The following TANC2 variants were observed in gnomAD, a reference collection of about 807,000 sequenced individuals.
TANC2 encodes the protein protein TANC2.
Under a neutral mutation model 210.5 loss-of-function variants are expected in TANC2, and 26 were observed. The ratio of observed to expected loss-of-function variants is 0.12; its 90% CI spans 0.09 to 0.17. The LOEUF (loss-of-function observed/expected upper bound fraction) is 0.17, where lower values mean the gene tolerates loss of function less well. TANC2 is among the 10% of genes least tolerant of loss of function. The probability of loss-of-function intolerance (pLI) is 1.00; values close to 1 mark genes in which losing one functional copy is unlikely to be tolerated. For synonymous variants in TANC2, 931 were observed against 967.1 expected, an observed-to-expected ratio of 0.96 and a Z score of 0.69; for missense variants, 2,129 against 2,608.9, an observed-to-expected ratio of 0.82 and a Z score of 4.01.
At position 63,310,146 on chromosome 17, in the gene TANC2, A is replaced by G. The variant is rs188475365; in HGVS notation, c.1160-4242A>G. 4.3e-4 allele frequency among the ~76,000 whole-genome samples: 66 copies of G among 152,290 alleles called. 1 individual carries two copies. The East Asian group carries it at 8.1e-3, about 19-fold the overall frequency. On this transcript the variant is annotated intron_variant, in intron 9 of 27. Coordinates refer to ENST00000689528, the Ensembl canonical transcript of TANC2. Reference sequence around the variant, plus strand: ...CGACATAAACTGTTTCAACTTTCACAAATTAAAATAGAAGGAAGAGGCCAG... The same window carrying G: ...CGACATAAACTGTTTCAACTTTCACGAATTAAAATAGAAGGAAGAGGCCAG...
intron 8 of TANC2, among the ~76,000 whole-genome samples, chr17:63,260,302 A>G (rs2043318882): frequency 6.6e-6 from 1 of 152,240 alleles, no homozygotes; most frequent in Admixed American, 6.5e-5. Flanking sequence ...ATTAAAAGGC[A>G]GCTAGTAAGT....
intron 4 of TANC2, among the ~76,000 whole-genome samples, chr17:63,138,986 G>A (rs1567755979): frequency 6.6e-6 from 1 of 152,140 alleles, no homozygotes; most frequent in Non-Finnish European, 1.5e-5. Flanking sequence ...GCCATCCGTG[G>A]AATTGAAGGC....
At chr17:63,190,331 C>A (rs1457074578) in intron 5 of TANC2, among the ~76,000 whole-genome samples, 2 of 131,368 alleles carry the variant, frequency 1.5e-5, no homozygotes, top group Non-Finnish European at 3.2e-5. Context: ...CAGAGCGAGA[C>A]CCTGTCCTAG....
At position 63,098,486 on chromosome 17, in the gene TANC2, T is replaced by A. The variant is rs868467766; in HGVS notation, c.140-689T>A. On this transcript the variant is annotated intron_variant, in intron 3 of 27. Transcript: ENST00000689528. ...CACACACACACACACACACATACAC[T>A]CTCTCTCTCTCTCTCTCTCTCTCTG... Among the ~76,000 whole-genome samples the A allele has an allele frequency of 7.3e-3, 529 of 72,372 alleles. 18 individuals are homozygous for A. Among genetic ancestry groups the A allele is most frequent in the African/African-American group, 0.048 (457 of 9,542 alleles). The allele number at this position is 72,372 out of a possible 152,430, so 47.5% of individuals were successfully genotyped here.
chr17:63,246,251 T>TTG (rs938053417), intron 8 of TANC2, among the ~76,000 whole-genome samples: 8 of 151,632 alleles, frequency 5.3e-5, no homozygotes, highest in Admixed American at 4.6e-4. Flanking sequence ...AACTTTTTTT[T>TTG]TTGTTTTTTT....
At chr17:63,020,905 C>G (rs2034318452) in intron 2 of TANC2, among the ~76,000 whole-genome samples, 1 of 152,032 alleles carries the variant, frequency 6.6e-6, no homozygotes, top group Non-Finnish European at 1.5e-5. Flanking sequence ...TGTCACATGG[C>G]AAGAGTGGAA....
At chr17:63,290,452 A>C (rs908337710) in intron 9 of TANC2, among the ~76,000 whole-genome samples, 1 of 152,094 alleles carries the variant, frequency 6.6e-6, no homozygotes, top group African/African-American at 2.4e-5. Context: ...TAGTCTGTTC[A>C]GGTTTTTACT....
At chr17:63,298,695 T>TA (rs142582479) in intron 9 of TANC2, among the ~76,000 whole-genome samples, 12 of 152,282 alleles carry the variant, frequency 7.9e-5, no homozygotes, top group East Asian at 1.9e-4. Context: ...ACCTTGATTT[T>TA]AAAAAACTTA....
In TANC2 at chr17:63,420,499, C is replaced by G. The variant is rs748473534; in HGVS notation, c.4769C>G (p.Ser1590Cys). The G allele has an allele frequency of 6.2e-7, 1 of 1,613,980 alleles. No homozygotes were observed. Among genetic ancestry groups the G allele is most frequent in the East Asian group, 2.2e-5 (1 of 44,872 alleles). ...TACAGGCCTAGCCCACCACACACTT[C>G]CCCGGCTCATCAGGGAGGATCTTAC... The change falls in exon 28 of 28, where the codon TCC becomes TGC. Residue 1590 changes from serine to cysteine, a missense_variant. Physicochemically the swap from Ser to Cys is moderately radical, Grantham distance 112 (BLOSUM62 -1). Transcript: ENST00000689528. This position sits in a 1 kb window ranked among gnomAD's most constrained non-coding sequence, Gnocchi z 4.2.
intron 4 of TANC2, among the ~76,000 whole-genome samples, chr17:63,113,653 G>A (rs1448289977): frequency 2.0e-5 from 3 of 152,116 alleles, no homozygotes; most frequent in African/African-American, 7.2e-5. Flanking sequence ...GACTACAGGC[G>A]TGCACCACCA....
intron 7 of TANC2, among the ~76,000 whole-genome samples, chr17:63,218,041 T>G (rs2042069627): frequency 6.6e-6 from 1 of 152,114 alleles, no homozygotes; most frequent in Non-Finnish European, 1.5e-5. Context: ...ACCAGCACTT[T>G]GGGAGGTCGA....
chr17:63,196,871 C>T (rs1040326068), intron 6 of TANC2, among the ~76,000 whole-genome samples: 4 of 152,070 alleles, frequency 2.6e-5, no homozygotes, highest in African/African-American at 9.7e-5. Context: ...ATTCATATTC[C>T]AATTTTCAAA....
intron 7 of TANC2, among the ~76,000 whole-genome samples, chr17:63,210,411 A>G (rs1443609472): frequency 6.6e-6 from 1 of 151,928 alleles, no homozygotes; most frequent in East Asian, 1.9e-4. Context: ...CCTTCTCTGG[A>G]TTTCCGCACT....
intron 1 of TANC2, among the ~76,000 whole-genome samples, chr17:62,990,165 C>T (rs2032786628): frequency 6.6e-6 from 1 of 151,826 alleles, no homozygotes; most frequent in Admixed American, 6.5e-5. Flanking sequence ...ATTTACTGGG[C>T]TAGAAAATAC....
intron 9 of TANC2, among the ~76,000 whole-genome samples, chr17:63,304,859 G>A (rs556800029): frequency 5.9e-5 from 9 of 152,314 alleles, no homozygotes; most frequent in East Asian, 3.9e-4. Flanking sequence ...CACTCTGTCC[G>A]CGGTCTGCCA....
intron 1 of TANC2, among the ~76,000 whole-genome samples, chr17:62,991,782 A>G (rs1016139553): frequency 6.6e-6 from 1 of 152,194 alleles, no homozygotes; most frequent in South Asian, 2.1e-4. Flanking sequence ...TGAATCCAGG[A>G]TTCCAGTTGA....
At chr17:63,123,923 G>C (rs1361302585) in intron 4 of TANC2, among the ~76,000 whole-genome samples, 1 of 151,980 alleles carries the variant, frequency 6.6e-6, no homozygotes, top group African/African-American at 2.4e-5. Flanking sequence ...GGCTGGTCTT[G>C]AATGTCTGAC....
At chr17:63,261,401 G>A (rs1167836525) in intron 8 of TANC2, among the ~76,000 whole-genome samples, 3 of 152,162 alleles carry the variant, frequency 2.0e-5, no homozygotes, top group Non-Finnish European at 4.4e-5. Context: ...ATACAAGATT[G>A]GAAGAAAGGC....
intron 1 of TANC2, among the ~76,000 whole-genome samples, chr17:62,976,024 A>G (rs896021927): frequency 6.6e-6 from 1 of 152,130 alleles, no homozygotes; most frequent in East Asian, 1.9e-4. Flanking sequence ...TAGTTTGGAT[A>G]CTGATTTATT....
Sources: allele counts gnomAD v4.1 joint callset (sites outside exome capture counted in the v4.1 genomes callset), GRCh38; gene constraint gnomAD v4.1.1; non-coding constraint Gnocchi (gnomAD v3.1); transcripts MANE v1.5; gene names NCBI Gene and HGNC (gene_info 2026-07-23, HGNC 2026-07-21).